APIP: variants seen among roughly 807,000 people sequenced by gnomAD.
APIP encodes the protein APAF1 interacting protein.
APIP carries 32 observed loss-of-function variants against 32.0 expected under a neutral mutation model. The ratio of observed to expected loss-of-function variants is 1.00; its 90% CI spans 0.76 to 1.34. The LOEUF is 1.34. Among genes scored for constraint, APIP ranks in the 40% most tolerant of loss-of-function variants. The pLI is 0.00. For synonymous variants in APIP, 92 were observed against 94.8 expected (o/e 0.97, Z 0.17); for missense variants, 247 against 298.6 (o/e 0.83, Z 1.27).
intron 1 of APIP, among the ~76,000 whole-genome samples, chr11:34,906,808 C>T (rs1330219102): frequency 6.6e-6 from 1 of 152,232 alleles, no homozygotes; most frequent in Non-Finnish European, 1.5e-5. Context: ...TACAATTCCT[C>T]TTTAATGAAT....
intron 5 of APIP, among the ~76,000 whole-genome samples, chr11:34,885,191 T>TATGTATATATAC (rs1565131920): frequency 4.7e-5 from 7 of 147,692 alleles, no homozygotes; most frequent in Admixed American, 3.4e-4. Flanking sequence ...TGTATATATA[T>TATGTATATATAC]ACCTATATAA....
rs967545063 is a variant in APIP, at chr11:34,916,114, A to G, written c.57+114T>C. The G allele has an allele frequency of 5.0e-6, 7 of 1,408,272 alleles. No homozygotes were observed. In the Middle Eastern group the frequency reaches 1.0e-3, roughly 202 times the overall value. 87.2% of individuals were successfully genotyped at this position (1,408,272 alleles called of 1,614,324 possible). On this transcript the variant is annotated intron_variant, in intron 1 of 6. Coordinates refer to ENST00000395787, the MANE Select transcript of APIP (RefSeq NM_015957.4). ...GGGGTAGCGAACGGCCAGGCCCGAA[A>G]CCCCGCCCCGCAGCTAAACGCCCGG... is the stretch of plus-strand genomic sequence containing the variant.
In APIP at chr11:34,888,561, G is replaced by T. The variant is rs57876015; in HGVS notation, c.326-133C>A. 1.1e-3 allele frequency: 1,516 copies of T among 1,349,188 alleles called. 26 individuals carry two copies. In the African/African-American group the frequency reaches 0.02, roughly 18 times the overall value. The allele number at this position is 1,349,188 out of a possible 1,614,324, so 83.6% of individuals were successfully genotyped here. A position where few individuals can be genotyped will look rare whatever the true frequency, so the allele number is the denominator to read the frequency against. ...ATTTTTCCTGGCATGGAATAAGTTG[G>T]TAGTAGGCAGGAGGGTAAGTGGAAT... On this transcript the variant is annotated intron_variant, in intron 4 of 6. Transcript: ENST00000395787.
intron 5 of APIP, among the ~76,000 whole-genome samples, chr11:34,885,130 C>A (rs2133902613): frequency 6.8e-6 from 1 of 146,786 alleles, no homozygotes; most frequent in African/African-American, 2.5e-5. Context: ...ATTATATATA[C>A]CTATATAATG....
At chr11:34,886,553 T>C (rs1853074615) in intron 5 of APIP, among the ~76,000 whole-genome samples, 1 of 152,222 alleles carries the variant, frequency 6.6e-6, no homozygotes, top group Admixed American at 6.5e-5. Context: ...TTATAAAGTC[T>C]ATAGTAGTGT....
At chr11:34,890,273 A>C (rs1392989146) in intron 3 of APIP, among the ~76,000 whole-genome samples, 1 of 152,170 alleles carries the variant, frequency 6.6e-6, no homozygotes, top group Non-Finnish European at 1.5e-5. Flanking sequence ...TTAAGATTGC[A>C]CTATTCACTT....
rs745893790 is a variant in APIP at position 34,888,371 on chromosome 11, A to G, written c.383T>C (p.Phe128Ser). The change falls in exon 5 of 7, where the codon TTT becomes TCT. Residue 128 changes from phenylalanine (F) to serine (S), a missense_variant. Physicochemically the swap from Phe to Ser is radical, Grantham distance 155 (BLOSUM62 -2). Coordinates refer to ENST00000395787, the MANE Select transcript of APIP (RefSeq NM_015957.4). ...TGTAATTTTAAACTCCCGTCCTGGA[A>G]AGAGAAGTGTGGCCATCACAGCAGC... ...SKAAVMATLL[F>S]PGREFKITHQ... 1.2e-6 allele frequency: 2 copies of G among 1,611,430 alleles called. No homozygotes were observed. Among genetic ancestry groups the G allele is most frequent in the Non-Finnish European group, 1.7e-6 (2 of 1,178,760 alleles).
chr11:34,899,001 G>A (rs774238935), intron 1 of APIP, among the ~76,000 whole-genome samples: 12 of 151,528 alleles, frequency 7.9e-5, no homozygotes, highest in East Asian at 1.9e-4. Context: ...GGGTTTCACC[G>A]TGTTAGCCAG....
chr11:34,887,396 T>C (rs1471961379), intron 5 of APIP, among the ~76,000 whole-genome samples: 1 of 152,204 alleles, frequency 6.6e-6, no homozygotes, highest in African/African-American at 2.4e-5. Flanking sequence ...GTATGTACAC[T>C]TCTCTTAATT....
intron 5 of APIP, among the ~76,000 whole-genome samples, chr11:34,886,789 A>T (rs185443902): frequency 1.3e-5 from 2 of 152,202 alleles, no homozygotes; most frequent in Non-Finnish European, 2.9e-5. Flanking sequence ...CCTGCTATGC[A>T]GGCTTGTAGC....
At chr11:34,912,404 C>A (rs1482102850) in intron 1 of APIP, among the ~76,000 whole-genome samples, 1 of 152,168 alleles carries the variant, frequency 6.6e-6, no homozygotes, top group Non-Finnish European at 1.5e-5. Flanking sequence ...TCTTCCAAAT[C>A]TTTATCTCCA....
intron 1 of APIP, among the ~76,000 whole-genome samples, chr11:34,913,150 T>G (rs1853585164): frequency 6.6e-6 from 1 of 152,202 alleles, no homozygotes; most frequent in African/African-American, 2.4e-5. Flanking sequence ...CTAGTCTGTC[T>G]CCATGCCTCT....
intron 5 of APIP, among the ~76,000 whole-genome samples, chr11:34,887,763 C>A (rs1853103451): frequency 1.3e-5 from 2 of 152,176 alleles, no homozygotes; most frequent in African/African-American, 2.4e-5. Flanking sequence ...CTTTTGTGGA[C>A]TGATGAATTT....
chr11:34,885,335 A>G (rs550242743), intron 5 of APIP, among the ~76,000 whole-genome samples: 2 of 151,558 alleles, frequency 1.3e-5, no homozygotes, highest in East Asian at 1.9e-4. Context: ...ATATACATCA[A>G]TGTCAGACCA....
chr11:34,890,388 ATTAG>A, intron 3 of APIP, 112 bp downstream of exon 3: 2 of 930,732 alleles, frequency 2.1e-6, no homozygotes, highest in South Asian at 1.7e-5. Context: ...ATGTTTGCTG[ATTAG>A]TTATTCAAAT....
intron 2 of APIP, among the ~76,000 whole-genome samples, chr11:34,892,975 C>A (rs1285015951): frequency 5.3e-5 from 8 of 152,096 alleles, no homozygotes; most frequent in Admixed American, 4.6e-4. Context: ...ATGTAAAGCA[C>A]AAATTTAATA....
At chr11:34,910,722 G>A (rs558685144) in intron 1 of APIP, among the ~76,000 whole-genome samples, 1 of 152,062 alleles carries the variant, frequency 6.6e-6, no homozygotes, top group African/African-American at 2.4e-5. Flanking sequence ...GCCTTTATAT[G>A]GAATACTTTA....
chr11:34,884,696 C>A lies in APIP; in HGVS notation c.462-1192G>T, dbSNP rs547734554. On this transcript the variant is annotated intron_variant, in intron 5 of 6. Coordinates refer to ENST00000395787, the MANE Select transcript of APIP (RefSeq NM_015957.4). Reference sequence around the variant, plus strand: ...ACAAGATCGAGACACTACACTCTAGCCTTGGCGACAGAGCCAGACTTAGTC... The same window carrying A: ...ACAAGATCGAGACACTACACTCTAGACTTGGCGACAGAGCCAGACTTAGTC... Among the ~76,000 whole-genome samples, 366 of 150,696 alleles carry A rather than the reference C, an allele frequency of 2.4e-3. 2 individuals are homozygous for A. The highest frequency in any genetic ancestry group is 3.1e-3 in the Non-Finnish European group (211 of 67,798).
In APIP at chr11:34,882,707, T is replaced by G. The variant is rs550642244; in HGVS notation, c.*10A>C. ...CTTTATCTCTGTATATAATTAGACTTTCTTTTGGCTTAGACAATTCCATTT... is the reference window on the plus strand; with the variant it reads ...CTTTATCTCTGTATATAATTAGACTGTCTTTTGGCTTAGACAATTCCATTT... On this transcript the variant is annotated 3_prime_UTR_variant, in exon 7 of 7. Transcript: ENST00000395787. 6.6e-7 allele frequency: 1 copy of G among 1,524,362 alleles called. No individual in the cohort carries two copies. Among genetic ancestry groups the G allele is most frequent in the Non-Finnish European group, 9.0e-7 (1 of 1,110,754 alleles). The allele number at this position is 1,524,362 out of a possible 1,614,324, so 94.4% of individuals were successfully genotyped here.
Sources: allele counts gnomAD v4.1 joint callset (sites outside exome capture counted in the v4.1 genomes callset), GRCh38; gene constraint gnomAD v4.1.1; transcripts MANE v1.5; gene names NCBI Gene and HGNC (gene_info 2026-07-23, HGNC 2026-07-21).